COL19A1: variants seen among roughly 807,000 people sequenced by gnomAD.
COL19A1 encodes collagen alpha-1(XIX) chain.
A neutral mutation model predicts 190.2 loss-of-function variants in COL19A1; 159 were observed. The ratio of observed to expected loss-of-function variants is 0.84; its 90% CI spans 0.73 to 0.95. The LOEUF is 0.95. Ranked by LOEUF, COL19A1 falls within the 40% of genes least tolerant of loss-of-function variation. The pLI, the probability that COL19A1 is intolerant of heterozygous loss-of-function variation, is 0.00. For synonymous variants in COL19A1, 509 were observed against 458.9 expected (o/e 1.11, Z -1.39); for missense variants, 1,418 against 1,431.9 (o/e 0.99, Z 0.16).
intron 9 of COL19A1, among the ~76,000 whole-genome samples, chr6:69,940,918 A>G (rs1247825068): frequency 6.6e-6 from 1 of 152,194 alleles, no homozygotes; most frequent in Non-Finnish European, 1.5e-5. Context: ...TGATCTTGCA[A>G]CTTTAATGTG....
rs578121339 is a variant in COL19A1 at position 70,043,414 on chromosome 6, G to A, written c.1170+7475G>A. On this transcript the variant is annotated intron_variant, in intron 14 of 50. Coordinates refer to ENST00000620364, the MANE Select transcript of COL19A1 (RefSeq NM_001858.6). ...TCACCATGTTAGCCAGGATGGTCTC[G>A]ATCTCCTGACCTCGTGATCTGCCCG... Among the ~76,000 whole-genome samples the A allele has an allele frequency of 1.1e-3, 161 of 152,140 alleles. 1 individual carries two copies. Among genetic ancestry groups the A allele is most frequent in the African/African-American group, 3.6e-3 (148 of 41,504 alleles).
At chr6:70,142,197 C>A in intron 22 of COL19A1, 121 bp downstream of exon 22, 1 of 875,252 alleles carries the variant, frequency 1.1e-6, no homozygotes, top group South Asian at 1.7e-5. Context: ...AAGACTTTAT[C>A]CTGTTTCCAT....
intron 16 of COL19A1, 45 bp downstream of exon 16, chr6:70,102,267 T>A (rs777072056): frequency 7.3e-7 from 1 of 1,364,818 alleles, no homozygotes; most frequent in Non-Finnish European, 1.0e-6. Flanking sequence ...AGTCTGTCTT[T>A]ATGTCTGTGT....
chr6:70,090,872 A>G (rs1782881157), intron 15 of COL19A1, among the ~76,000 whole-genome samples: 1 of 152,044 alleles, frequency 6.6e-6, no homozygotes, highest in Non-Finnish European at 1.5e-5. Context: ...TTCTCTAGCA[A>G]CCTGTGTTTC....
chr6:69,976,275 A>T (rs1259322460), intron 11 of COL19A1, among the ~76,000 whole-genome samples: 1 of 152,208 alleles, frequency 6.6e-6, no homozygotes, highest in Non-Finnish European at 1.5e-5. Context: ...ATCTAGAATT[A>T]ATGAATTAAA....
chr6:69,967,941 A>G (rs1322932022), intron 11 of COL19A1, among the ~76,000 whole-genome samples: 2 of 97,670 alleles, frequency 2.0e-5, no homozygotes, highest in Non-Finnish European at 3.5e-5. Flanking sequence ...CACGTAGCGT[A>G]AAGTACACTT....
chr6:69,996,709 A>T (rs1776923806), intron 11 of COL19A1, among the ~76,000 whole-genome samples: 1 of 152,030 alleles, frequency 6.6e-6, no homozygotes, highest in Non-Finnish European at 1.5e-5. Context: ...TATTTTAATG[A>T]TTTACATTAC....
At chr6:70,144,375 G>A (rs1562215883) in intron 24 of COL19A1, 112 bp downstream of exon 24, 1 of 888,190 alleles carries the variant, frequency 1.1e-6, no homozygotes, top group East Asian at 2.6e-5. Context: ...TACAGATTGT[G>A]CACATTAACT....
intron 19 of COL19A1, 147 bp from the exon 20 acceptor site, chr6:70,140,807 A>G: frequency 1.4e-6 from 1 of 728,480 alleles, no homozygotes; most frequent in South Asian, 1.7e-5. Flanking sequence ...TTTAAGCTGC[A>G]AAGACAGACT....
intron 14 of COL19A1, among the ~76,000 whole-genome samples, chr6:70,040,423 C>T (rs2150122594): frequency 6.6e-6 from 1 of 152,254 alleles, no homozygotes; most frequent in South Asian, 2.1e-4. Flanking sequence ...TTCACCTCTC[C>T]CTTCCTATCA....
intron 15 of COL19A1, among the ~76,000 whole-genome samples, chr6:70,091,878 A>G (rs1290439948): frequency 1.3e-5 from 2 of 152,200 alleles, no homozygotes. Context: ...TGTAAAGCAC[A>G]GACTTCAAAT....
At chr6:70,008,793 A>G (rs1052385655) in intron 11 of COL19A1, among the ~76,000 whole-genome samples, 1 of 151,844 alleles carries the variant, frequency 6.6e-6, no homozygotes, top group African/African-American at 2.4e-5. Flanking sequence ...TACATAAAAA[A>G]CCACTTAACA....
chr6:70,135,503 G>A (rs1459567522), intron 18 of COL19A1, among the ~76,000 whole-genome samples: 1 of 152,132 alleles, frequency 6.6e-6, no homozygotes, highest in Non-Finnish European at 1.5e-5. Flanking sequence ...AGGATTCTAC[G>A]AGTTGTATGC....
intron 11 of COL19A1, among the ~76,000 whole-genome samples, chr6:69,972,868 A>G (rs1033990826): frequency 9.2e-5 from 14 of 152,298 alleles, no homozygotes; most frequent in African/African-American, 3.1e-4. Flanking sequence ...TGTCTTTTGA[A>G]TTTAGTAGTA....
At chr6:70,159,037 T>G (rs1787613050) in intron 34 of COL19A1, among the ~76,000 whole-genome samples, 1 of 151,982 alleles carries the variant, frequency 6.6e-6, no homozygotes, top group African/African-American at 2.4e-5. Flanking sequence ...AGGTTTATTT[T>G]AAAGTTTAAT....
At chr6:70,120,210 C>A (rs1463180529) in intron 16 of COL19A1, among the ~76,000 whole-genome samples, 1 of 152,188 alleles carries the variant, frequency 6.6e-6, no homozygotes, top group African/African-American at 2.4e-5. Flanking sequence ...AAGACCCTCT[C>A]TTTTAACTAG....
intron 15 of COL19A1, among the ~76,000 whole-genome samples, chr6:70,101,102 A>G (rs1783602430): frequency 6.6e-6 from 1 of 152,182 alleles, no homozygotes; most frequent in Non-Finnish European, 1.5e-5. Flanking sequence ...GCCTACACTT[A>G]TAATTCTCCC....
chr6:69,955,326 T>C (rs148203770), intron 9 of COL19A1, among the ~76,000 whole-genome samples: 157 of 152,292 alleles, frequency 1.0e-3, no homozygotes, highest in Middle Eastern at 0.01. Context: ...GGTTTTCTTT[T>C]TGTTTTTTTA....
At chr6:70,037,889 A>C (rs1779436551) in intron 14 of COL19A1, among the ~76,000 whole-genome samples, 1 of 152,212 alleles carries the variant, frequency 6.6e-6, no homozygotes, top group Admixed American at 6.5e-5. Flanking sequence ...TTGTCTAAAA[A>C]TACGACAAGG....
Sources: allele counts gnomAD v4.1 joint callset (sites outside exome capture counted in the v4.1 genomes callset), GRCh38; gene constraint gnomAD v4.1.1; transcripts MANE v1.5; gene names NCBI Gene and HGNC (gene_info 2026-07-23, HGNC 2026-07-21).